DCC: variants seen among roughly 807,000 people sequenced by gnomAD.
The protein encoded by DCC is DCC netrin 1 receptor.
DCC carries 58 observed loss-of-function variants against 172.5 expected under a neutral mutation model. That is an observed-to-expected ratio of 0.34 (90% CI 0.27 to 0.42). The LOEUF (loss-of-function observed/expected upper bound fraction) is 0.42. DCC is among the 10% of genes least tolerant of loss of function. The probability of loss-of-function intolerance (pLI) is 1.00; values close to 1 mark genes in which losing one functional copy is unlikely to be tolerated. For missense variants in DCC, 1,740 were observed against 1,791.0 expected (o/e 0.97, Z 0.51); for synonymous variants, 709 against 644.5 (o/e 1.10, Z -1.52).
At chr18:52,961,691 C>T (rs2040844642) in intron 5 of DCC, among the ~76,000 whole-genome samples, 1 of 152,038 alleles carries the variant, frequency 6.6e-6, no homozygotes, top group Admixed American at 6.6e-5. Context: ...ATTTGTTTGA[C>T]TTTTGACTTC....
chr18:53,060,838 C>G (rs563017044), intron 5 of DCC, among the ~76,000 whole-genome samples: 33 of 152,104 alleles, frequency 2.2e-4, no homozygotes, highest in African/African-American at 8.0e-4. Flanking sequence ...CACTTAAACT[C>G]AATCATTTGT....
At chr18:53,356,844 A>G (rs1242922969) in intron 15 of DCC, among the ~76,000 whole-genome samples, 7 of 152,178 alleles carry the variant, frequency 4.6e-5, no homozygotes, top group South Asian at 2.1e-4. Context: ...TGTGTCTTCA[A>G]TTTAGGGAAA....
At chr18:52,983,145 G>A (rs777402151) in intron 5 of DCC, among the ~76,000 whole-genome samples, 18 of 152,154 alleles carry the variant, frequency 1.2e-4, no homozygotes, top group Non-Finnish European at 2.5e-4. Context: ...GTGAATATTA[G>A]GAAAGTAAGA....
intron 21 of DCC, among the ~76,000 whole-genome samples, chr18:53,425,632 G>A (rs1910885985): frequency 6.6e-6 from 1 of 151,982 alleles, no homozygotes; most frequent in African/African-American, 2.4e-5. Context: ...AAAGTGCTGG[G>A]ATTACAGGAA....
chr18:52,829,617 G>A (rs2038576115), intron 2 of DCC, among the ~76,000 whole-genome samples: 1 of 151,724 alleles, frequency 6.6e-6, no homozygotes, highest in African/African-American at 2.4e-5. Context: ...CAGACCTCAA[G>A]AAGTGCTTTG....
intron 16 of DCC, 98 bp downstream of exon 16, chr18:53,386,236 A>G (rs1021342482): frequency 1.3e-6 from 1 of 780,182 alleles, no homozygotes; most frequent in Admixed American, 2.0e-5. Context: ...AAATGAATAT[A>G]TCCTATCATT....
At chr18:53,086,926 T>G (rs976799279) in intron 7 of DCC, among the ~76,000 whole-genome samples, 4 of 151,774 alleles carry the variant, frequency 2.6e-5, no homozygotes, top group Non-Finnish European at 5.9e-5. Context: ...ACAAAGGACA[T>G]GAACTCATCA....
At chr18:53,132,844 G>T (rs530823581) in intron 7 of DCC, among the ~76,000 whole-genome samples, 2 of 152,274 alleles carry the variant, frequency 1.3e-5, no homozygotes, top group South Asian at 4.1e-4. Context: ...AACTCTGAAA[G>T]CTATGCCAAG....
At chr18:53,363,457 A>G (rs1470755401) in intron 15 of DCC, among the ~76,000 whole-genome samples, 1 of 152,204 alleles carries the variant, frequency 6.6e-6, no homozygotes, top group African/African-American at 2.4e-5. Context: ...ATATATTCTT[A>G]CAGTCATACT....
intron 2 of DCC, among the ~76,000 whole-genome samples, chr18:52,840,399 T>C (rs1396886419): frequency 6.6e-6 from 1 of 152,218 alleles, no homozygotes; most frequent in Non-Finnish European, 1.5e-5. Flanking sequence ...TTTGCTTAGA[T>C]TGATTTTCTG....
At chr18:52,514,570 G>A (rs1221390017) in intron 1 of DCC, among the ~76,000 whole-genome samples, 3 of 152,192 alleles carry the variant, frequency 2.0e-5, no homozygotes, top group Non-Finnish European at 4.4e-5. Flanking sequence ...GGTTTTATTT[G>A]TATGCATGAG....
At chr18:52,896,105 C>T (rs1411115713) in intron 2 of DCC, among the ~76,000 whole-genome samples, 1 of 152,112 alleles carries the variant, frequency 6.6e-6, no homozygotes, top group Admixed American at 6.5e-5. Flanking sequence ...TGCTATGATG[C>T]AAATTTCAAA....
chr18:52,539,389 G>T (rs1033904988), intron 1 of DCC, among the ~76,000 whole-genome samples: 1 of 152,188 alleles, frequency 6.6e-6, no homozygotes, highest in African/African-American at 2.4e-5. Context: ...CCGTGGACTA[G>T]TATTGGTCCA....
At chr18:52,611,593 G>A (rs1258356237) in intron 1 of DCC, among the ~76,000 whole-genome samples, 3 of 152,144 alleles carry the variant, frequency 2.0e-5, no homozygotes, top group African/African-American at 7.2e-5. Context: ...TTCATGTTGG[G>A]TGTCTCCTAT....
At chr18:53,327,088 T>G (rs1224166005) in intron 14 of DCC, among the ~76,000 whole-genome samples, 1 of 152,204 alleles carries the variant, frequency 6.6e-6, no homozygotes, top group African/African-American at 2.4e-5. Flanking sequence ...CTTCTGTAGT[T>G]CCTCTTGCCT....
intron 9 of DCC, among the ~76,000 whole-genome samples, chr18:53,179,993 G>A (rs2055170513): frequency 6.6e-6 from 1 of 152,078 alleles, no homozygotes; most frequent in Admixed American, 6.5e-5. Context: ...ATGATATTTT[G>A]ATTTCCTGTT....
chr18:52,485,666 T>C (rs1322981613), intron 1 of DCC, among the ~76,000 whole-genome samples: 1 of 152,102 alleles, frequency 6.6e-6, no homozygotes, highest in Non-Finnish European at 1.5e-5. Flanking sequence ...AGTGTTTCAT[T>C]TGGTATATTT....
intron 12 of DCC, among the ~76,000 whole-genome samples, chr18:53,295,918 G>T (rs2057062220): frequency 6.6e-6 from 1 of 152,064 alleles, no homozygotes; most frequent in African/African-American, 2.4e-5. Context: ...AATATATATG[G>T]GATTTTTTAT....
intron 1 of DCC, among the ~76,000 whole-genome samples, chr18:52,424,868 ATTTC>A (rs1343617274): frequency 2.0e-5 from 3 of 151,180 alleles, no homozygotes; most frequent in South Asian, 4.2e-4. Flanking sequence ...TTTATGTTAT[ATTTC>A]TTTCTATTTT....
Sources: allele counts gnomAD v4.1 joint callset (sites outside exome capture counted in the v4.1 genomes callset), GRCh38; gene constraint gnomAD v4.1.1; transcripts MANE v1.5; gene names NCBI Gene and HGNC (gene_info 2026-07-23, HGNC 2026-07-21).